Variants in CNTNAP2 observed in about 807,000 individuals in gnomAD.
CNTNAP2 encodes the protein contactin associated protein 2.
In CNTNAP2, 98 loss-of-function variants were observed where a neutral mutation model predicts 155.2. The ratio of observed to expected loss-of-function variants is 0.63; its 90% confidence interval spans 0.54 to 0.75. CNTNAP2 has a LOEUF of 0.75. Ranked by LOEUF, CNTNAP2 falls within the 30% of genes least tolerant of loss-of-function variation. The pLI is 0.00. For synonymous variants in CNTNAP2, 651 were observed against 631.2 expected (o/e 1.03, Z -0.47); for missense variants, 1,727 against 1,688.1 (o/e 1.02, Z -0.40).
At chr7:146,694,613 G>A (rs979632383) in intron 1 of CNTNAP2, among the ~76,000 whole-genome samples, 4 of 152,096 alleles carry the variant, frequency 2.6e-5, no homozygotes, top group African/African-American at 9.7e-5. Flanking sequence ...TTTAGAATCA[G>A]TGTGTCAATA....
intron 9 of CNTNAP2, among the ~76,000 whole-genome samples, chr7:147,387,054 C>T (rs538047971): frequency 8.5e-5 from 13 of 152,132 alleles, no homozygotes; most frequent in East Asian, 3.9e-4. Flanking sequence ...TCTCGTGAGA[C>T]GTATTCACCA....
At chr7:146,418,655 A>G (rs1795969779) in intron 1 of CNTNAP2, among the ~76,000 whole-genome samples, 1 of 152,164 alleles carries the variant, frequency 6.6e-6, no homozygotes, top group Non-Finnish European at 1.5e-5. Context: ...CTTCTTTGGT[A>G]CATTCTTTCT....
At chr7:147,001,925 T>G (rs898132063) in intron 3 of CNTNAP2, among the ~76,000 whole-genome samples, 2 of 151,808 alleles carry the variant, frequency 1.3e-5, no homozygotes, top group African/African-American at 2.4e-5. Context: ...CTATAATAAA[T>G]AGTGTTTGGA....
At chr7:147,333,798 G>A (rs1209949605) in intron 9 of CNTNAP2, among the ~76,000 whole-genome samples, 3 of 152,138 alleles carry the variant, frequency 2.0e-5, no homozygotes, top group African/African-American at 4.8e-5. Flanking sequence ...AAATGCTGGT[G>A]ATTTTTAGCA....
At chr7:147,692,532 T>G (rs187973598) in intron 13 of CNTNAP2, among the ~76,000 whole-genome samples, 17 of 152,256 alleles carry the variant, frequency 1.1e-4, no homozygotes, top group Admixed American at 9.2e-4. Flanking sequence ...TTGTCAGTGT[T>G]GCAGATTTTG....
intron 10 of CNTNAP2, among the ~76,000 whole-genome samples, chr7:147,458,031 T>C (rs1029265024): frequency 6.6e-6 from 1 of 152,154 alleles, no homozygotes; most frequent in South Asian, 2.1e-4. Context: ...TGGTTTATTA[T>C]GGATTTTTCA....
chr7:146,661,408 C>A (rs1458145658), intron 1 of CNTNAP2, among the ~76,000 whole-genome samples: 1 of 151,822 alleles, frequency 6.6e-6, no homozygotes, highest in African/African-American at 2.4e-5. Flanking sequence ...CCCAAAAGGA[C>A]CCCCATGCTC....
At chr7:148,380,392 C>A (rs1730411) in intron 21 of CNTNAP2, among the ~76,000 whole-genome samples, 108,371 of 151,656 alleles carry the variant, frequency 0.71, 39,854 homozygotes, top group Admixed American at 0.8. Flanking sequence ...GTGGTGCTAT[C>A]AATGATGCTA....
intron 15 of CNTNAP2, among the ~76,000 whole-genome samples, chr7:148,017,829 G>A (rs1451062069): frequency 1.3e-5 from 2 of 152,166 alleles, no homozygotes; most frequent in African/African-American, 4.8e-5. Context: ...GAATATACAT[G>A]GTATTTGAGA....
chr7:146,126,361 A>G (rs983126466), intron 1 of CNTNAP2, among the ~76,000 whole-genome samples: 10 of 152,228 alleles, frequency 6.6e-5, no homozygotes, highest in African/African-American at 2.2e-4. Context: ...TTACATTGGT[A>G]AAAAATAAAG....
intron 14 of CNTNAP2, among the ~76,000 whole-genome samples, chr7:147,910,924 CA>C (rs755498589): frequency 6.6e-6 from 1 of 152,144 alleles, no homozygotes; most frequent in Non-Finnish European, 1.5e-5. Context: ...ATATACAGCA[CA>C]ATTTCATTTT....
intron 17 of CNTNAP2, among the ~76,000 whole-genome samples, chr7:148,157,711 G>A (rs1805427853): frequency 6.6e-6 from 1 of 152,106 alleles, no homozygotes; most frequent in Admixed American, 6.5e-5. Flanking sequence ...CTGTGATGCT[G>A]GCTGCAATCC....
At chr7:146,380,577 T>A (rs1163214461) in intron 1 of CNTNAP2, among the ~76,000 whole-genome samples, 1 of 152,052 alleles carries the variant, frequency 6.6e-6, no homozygotes, top group Non-Finnish European at 1.5e-5. Flanking sequence ...TCATAAAAAA[T>A]TTCTGGTGTA....
At chr7:147,194,184 T>C (rs1194144717) in intron 8 of CNTNAP2, among the ~76,000 whole-genome samples, 1 of 152,072 alleles carries the variant, frequency 6.6e-6, no homozygotes, top group African/African-American at 2.4e-5. Flanking sequence ...ATGCAGTATT[T>C]GGTTTTTGGT....
At chr7:147,855,135 C>T (rs1222493360) in intron 13 of CNTNAP2, among the ~76,000 whole-genome samples, 1 of 152,110 alleles carries the variant, frequency 6.6e-6, no homozygotes, top group East Asian at 1.9e-4. Flanking sequence ...CTATTAGACT[C>T]ACTCTACTAG....
chr7:147,833,115 T>C (rs1798580023), intron 13 of CNTNAP2, among the ~76,000 whole-genome samples: 1 of 150,938 alleles, frequency 6.6e-6, no homozygotes, highest in Admixed American at 6.6e-5. Flanking sequence ...TATTTGGTGG[T>C]ATTTTTCTTA....
chr7:147,341,796 AC>A (rs1795769246), intron 9 of CNTNAP2, among the ~76,000 whole-genome samples: 1 of 151,386 alleles, frequency 6.6e-6, no homozygotes, highest in African/African-American at 2.4e-5. Flanking sequence ...ACACACACAC[AC>A]ACACAAATGC....
chr7:147,307,219 A>G (rs1301065571), intron 9 of CNTNAP2, among the ~76,000 whole-genome samples: 2 of 152,190 alleles, frequency 1.3e-5, no homozygotes, highest in Non-Finnish European at 2.9e-5. Context: ...TAGCAGCAGT[A>G]AGAAATGTCC....
At chr7:147,080,235 G>GGAGTAGT (rs1296274270) in intron 4 of CNTNAP2, among the ~76,000 whole-genome samples, 1 of 152,084 alleles carries the variant, frequency 6.6e-6, no homozygotes, top group Non-Finnish European at 1.5e-5. Flanking sequence ...TAAGTATAAG[G>GGAGTAGT]GAGTAGTGTT....
Sources: gnomAD v4.1 joint callset for allele counts (sites outside exome capture counted in the v4.1 genomes callset) on GRCh38, gnomAD v4.1.1 for gene constraint, MANE v1.5 for transcripts, NCBI Gene and HGNC (gene_info 2026-07-23, HGNC 2026-07-21) for gene names.